The following SLC39A11 variants were observed in gnomAD, a reference collection of about 807,000 sequenced individuals.
SLC39A11 encodes zinc transporter ZIP11.
SLC39A11 carries 33 observed loss-of-function variants against 36.1 expected under a neutral mutation model. The ratio of observed to expected loss-of-function variants is 0.91; its 90% CI spans 0.69 to 1.22. The LOEUF (loss-of-function observed/expected upper bound fraction) is 1.22, where lower values mean the gene tolerates loss of function less well. Among genes scored for constraint, SLC39A11 ranks in the 50% most tolerant of loss-of-function variants. The probability of loss-of-function intolerance (pLI) is 0.00; values close to 1 mark genes in which losing one functional copy is unlikely to be tolerated. For synonymous variants in SLC39A11, 166 were observed against 170.3 expected, an observed-to-expected ratio of 0.97 and a Z score of 0.20; for missense variants, 432 against 430.3, an observed-to-expected ratio of 1.00 and a Z score of -0.03.
intron 4 of SLC39A11, among the ~76,000 whole-genome samples, chr17:72,973,007 C>G (rs1468882275): frequency 1.3e-5 from 2 of 151,836 alleles, no homozygotes; most frequent in Admixed American, 1.3e-4. Flanking sequence ...AGCTCCTGGA[C>G]AGCGACCACA....
At chr17:72,670,370 C>CAA (rs71154904) in intron 7 of SLC39A11, among the ~76,000 whole-genome samples, 324 of 136,574 alleles carry the variant, frequency 2.4e-3, no homozygotes, top group African/African-American at 6.3e-3. Context: ...GACCCTGTCT[C>CAA]AAAAAAAAAA....
At chr17:72,927,317 C>T (rs531742278) in intron 5 of SLC39A11, among the ~76,000 whole-genome samples, 2 of 152,310 alleles carry the variant, frequency 1.3e-5, no homozygotes, top group South Asian at 4.1e-4. Flanking sequence ...GCACCTTGGC[C>T]TCCCAAAGTG....
intron 5 of SLC39A11, among the ~76,000 whole-genome samples, chr17:72,923,781 A>G (rs528978002): frequency 1.3e-5 from 2 of 152,296 alleles, no homozygotes; most frequent in South Asian, 4.1e-4. Context: ...GAGGCGGGAA[A>G]AAAAGAAAAT....
intron 6 of SLC39A11, among the ~76,000 whole-genome samples, chr17:72,811,065 A>G (rs1353868930): frequency 8.3e-6 from 1 of 119,828 alleles, no homozygotes; most frequent in Non-Finnish European, 1.7e-5. Context: ...ATTTGAATAA[A>G]AGCAAAAAAA....
chr17:72,762,823 C>A (rs1373966344), intron 6 of SLC39A11, among the ~76,000 whole-genome samples: 3 of 152,114 alleles, frequency 2.0e-5, no homozygotes, highest in Non-Finnish European at 4.4e-5. Context: ...TTTCTCAGCT[C>A]CAGGCAGACA....
chr17:73,035,863 C>CAAAAAAAAAAAAA (rs1174297357), intron 3 of SLC39A11, among the ~76,000 whole-genome samples: 1 of 65,554 alleles, frequency 1.5e-5, no homozygotes, highest in African/African-American at 6.6e-5. Flanking sequence ...CACTCCATCT[C>CAAAAAAAAAAAAA]AAAAAAAAAA....
chr17:72,918,165 T>C (rs1156763014), intron 5 of SLC39A11, among the ~76,000 whole-genome samples: 3 of 152,194 alleles, frequency 2.0e-5, no homozygotes, highest in Non-Finnish European at 4.4e-5. Flanking sequence ...TCCCAGCACT[T>C]TGGGAGGCCG....
At chr17:72,706,059 C>A (rs2072880440) in intron 7 of SLC39A11, among the ~76,000 whole-genome samples, 1 of 152,168 alleles carries the variant, frequency 6.6e-6, no homozygotes, top group African/African-American at 2.4e-5. Context: ...GTGTGAGGGA[C>A]CAACTGGCCA....
intron 7 of SLC39A11, among the ~76,000 whole-genome samples, chr17:72,718,332 G>T (rs942339686): frequency 6.6e-6 from 1 of 152,092 alleles, no homozygotes; most frequent in Admixed American, 6.6e-5. Flanking sequence ...CCAGCTACTC[G>T]TGAGGCTGAG....
Position 72,811,377 on chromosome 17 carries a change from A to G in SLC39A11, c.601+38257T>C, listed in dbSNP as rs991227963. ...CCCACCTCCTAACCATCACATTGGA[A>G]ACTGGGTATTTTGGGGGTACAAACA... On this transcript the variant is annotated intron_variant, in intron 6 of 9. Coordinates refer to ENST00000255559, the MANE Select transcript of SLC39A11 (RefSeq NM_139177.4). Among the ~76,000 whole-genome samples the G allele has an allele frequency of 2.8e-4, 43 of 152,196 alleles. 1 individual carries two copies. The highest frequency in any genetic ancestry group is 6.5e-5 in the Admixed American group (1 of 15,280).
chr17:73,035,070 C>A (rs185624054), intron 3 of SLC39A11, among the ~76,000 whole-genome samples: 1 of 152,206 alleles, frequency 6.6e-6, no homozygotes, highest in Non-Finnish European at 1.5e-5. Flanking sequence ...AAAGAACAAT[C>A]GGGAAATTGA....
In SLC39A11 at chr17:73,009,295, C is replaced by T. The variant is rs4969052; in HGVS notation, c.306+22261G>A. 1.4e-3 allele frequency among the ~76,000 whole-genome samples: 210 copies of T among 145,014 alleles called. 1 individual carries two copies. The highest frequency in any genetic ancestry group is 2.5e-3 in the Admixed American group (35 of 13,980). On this transcript the variant is annotated intron_variant, in intron 4 of 9. Coordinates refer to ENST00000255559, the MANE Select transcript of SLC39A11 (RefSeq NM_139177.4). ...GAGGCAGGAGAATGGCGTGAGCTTG[C>T]AGTGAGCCGAGATTGCGCCACTGCA...
intron 5 of SLC39A11, among the ~76,000 whole-genome samples, chr17:72,941,362 G>T (rs1335203549): frequency 1.3e-5 from 2 of 152,116 alleles, no homozygotes; most frequent in East Asian, 1.9e-4. Flanking sequence ...GACCAATCTT[G>T]CCAACTATTA....
At chr17:72,763,613 T>C (rs2075665628) in intron 6 of SLC39A11, among the ~76,000 whole-genome samples, 1 of 152,240 alleles carries the variant, frequency 6.6e-6, no homozygotes, top group Non-Finnish European at 1.5e-5. Context: ...CCACCATCTC[T>C]TGACTGTATC....
At chr17:72,834,901 T>C (rs539040372) in intron 6 of SLC39A11, among the ~76,000 whole-genome samples, 15 of 152,366 alleles carry the variant, frequency 9.8e-5, no homozygotes, top group Middle Eastern at 3.4e-3. Flanking sequence ...GTAGCTTCCT[T>C]GATCTGAAGG....
chr17:73,038,742 A>AGGAGGGAGGAG (rs562381018), intron 3 of SLC39A11, among the ~76,000 whole-genome samples: 10 of 113,396 alleles, frequency 8.8e-5, no homozygotes, highest in Non-Finnish European at 1.6e-4. Flanking sequence ...AGAGAAAGAA[A>AGGAGGGAGGAG]GGAGGGAGGA....
At chr17:72,816,075 T>C (rs904966970) in intron 6 of SLC39A11, among the ~76,000 whole-genome samples, 2 of 152,240 alleles carry the variant, frequency 1.3e-5, no homozygotes, top group South Asian at 2.1e-4. Context: ...CCAGAATCCA[T>C]TGCGGAGAGT....
intron 7 of SLC39A11, among the ~76,000 whole-genome samples, chr17:72,727,521 G>A (rs747177352): frequency 2.8e-4 from 42 of 151,898 alleles, no homozygotes; most frequent in Non-Finnish European, 5.1e-4. Context: ...GCGTGGTGGC[G>A]GGTGCCTGTA....
At chr17:72,949,204 G>C (rs140432113) in intron 4 of SLC39A11, among the ~76,000 whole-genome samples, 311 of 107,736 alleles carry the variant, frequency 2.9e-3, no homozygotes, top group Non-Finnish European at 4.4e-3. Flanking sequence ...CTGTCACCTA[G>C]GCTGGAGTGC....
Sources: gnomAD v4.1 joint callset for allele counts (sites outside exome capture counted in the v4.1 genomes callset) on GRCh38, gnomAD v4.1.1 for gene constraint, MANE v1.5 for transcripts, NCBI Gene and HGNC (gene_info 2026-07-23, HGNC 2026-07-21) for gene names.